The following IL6R variants were observed in gnomAD, a reference collection of about 807,000 sequenced individuals.
The protein encoded by IL6R is interleukin 6 receptor.
A neutral mutation model predicts 48.3 loss-of-function variants in IL6R; 38 were observed. The ratio of observed to expected loss-of-function variants is 0.79; its 90% CI spans 0.61 to 1.03. The LOEUF is 1.03. IL6R is among the 50% of genes least tolerant of loss of function. The probability of loss-of-function intolerance (pLI) is 0.00; values close to 1 mark genes in which losing one functional copy is unlikely to be tolerated. For missense variants in IL6R, 534 were observed against 618.3 expected (o/e 0.86, Z 1.45); for synonymous variants, 264 against 256.2 (o/e 1.03, Z -0.29).
chr1:154,437,718 T>A (rs960434996), intron 6 of IL6R, among the ~76,000 whole-genome samples: 14 of 151,532 alleles, frequency 9.2e-5, no homozygotes, highest in Non-Finnish European at 1.8e-4. Context: ...GACTAAACTT[T>A]AAATTTTTTT....
At chr1:154,449,198 T>TA (rs75050204) in intron 7 of IL6R, among the ~76,000 whole-genome samples, 149,938 of 149,938 alleles carry the variant, frequency 1, 74,969 homozygotes, top group Non-Finnish European at 1. Context: ...CCCGGCCTTG[T>TA]AGGGCTTCTT....
At position 154,436,034 on chromosome 1, in the gene IL6R, G is replaced by A; in HGVS notation, c.873G>A (p.Gln291=). 1 of 1,613,168 alleles carries A rather than the reference G, an allele frequency of 6.2e-7. No individual in the cohort carries two copies. Among genetic ancestry groups the A allele is most frequent in the African/African-American group, 1.3e-5 (1 of 75,074 alleles). The change falls in exon 6 of 10, where the codon CAG becomes CAA. Residue 291 remains glutamine (Q), a synonymous_variant. Coordinates refer to ENST00000368485, the MANE Select transcript of IL6R (RefSeq NM_000565.4). ...DAWSGLRHVV[Q]LRAQEEFGQG... ...GGAGCGGCCTGAGGCACGTGGTGCAGCTTCGTGCCCAGGAGGAGTTCGGGC... is the reference window on the plus strand; with the variant it reads ...GGAGCGGCCTGAGGCACGTGGTGCAACTTCGTGCCCAGGAGGAGTTCGGGC...
chr1:154,454,189 G>T, intron 8 of IL6R: 1 of 441,988 alleles, frequency 2.3e-6, no homozygotes, highest in East Asian at 4.3e-5. Context: ...GGAGTCTGTG[G>T]CTAGCCACAG....
rs948502031 is a variant in IL6R at position 154,452,097 on chromosome 1, G to A, written c.1066+2117G>A. 3.9e-5 allele frequency among the ~76,000 whole-genome samples: 6 copies of A among 151,988 alleles called. No individual in the cohort carries two copies. The East Asian group carries it at 7.7e-4, about 20-fold the overall frequency. On this transcript the variant is annotated intron_variant, in intron 8 of 9. Coordinates refer to ENST00000368485, the MANE Select transcript of IL6R (RefSeq NM_000565.4). ...GCCAACACCCAGTCCAGCCCCTGCC[G>A]CCTCTCATCCAGCAGGGCTTCCTGG...
chr1:154,435,876 C>A (rs1012050561), intron 5 of IL6R, 93 bp from the exon 6 acceptor site: 6 of 1,144,260 alleles, frequency 5.2e-6, no homozygotes, highest in South Asian at 3.4e-5. Flanking sequence ...CCAGCTGAAG[C>A]ACAGGGCTGG....
rs1691665135 is a variant in IL6R, at chr1:154,468,819, C to T, written c.*3439C>T. ...TTTGGTGCTGAGCTCTATTATCTCA[C>T]AGCACGTCCAGAAGGCTAACCCAGG... On this transcript the variant is annotated 3_prime_UTR_variant, in exon 10 of 10. Coordinates refer to ENST00000368485, the MANE Select transcript of IL6R (RefSeq NM_000565.4). 1 of 152,308 alleles carries T rather than the reference C, an allele frequency of 6.6e-6. No homozygotes were observed. The highest frequency in any genetic ancestry group is 1.5e-5 in the Non-Finnish European group (1 of 68,096). The allele number at this position is 152,308 out of a possible 1,614,324, so 9.4% of individuals were successfully genotyped here. A position where few individuals can be genotyped will look rare whatever the true frequency, so the allele number is the denominator to read the frequency against.
At chr1:154,412,634 C>T (rs1570919336) in intron 1 of IL6R, among the ~76,000 whole-genome samples, 1 of 152,254 alleles carries the variant, frequency 6.6e-6, no homozygotes, top group East Asian at 1.9e-4. Context: ...GAGAGAGGCA[C>T]TAATGCAGTG....
intron 3 of IL6R, among the ~76,000 whole-genome samples, chr1:154,433,460 G>C (rs986464769): frequency 6.6e-6 from 1 of 152,188 alleles, no homozygotes; most frequent in Non-Finnish European, 1.5e-5. Context: ...TGGCATTTCT[G>C]CTGGGTGTCT....
In IL6R at chr1:154,434,952, T is replaced by C. The variant is rs1309796175; in HGVS notation, c.641-38T>C. The C allele has an allele frequency of 1.9e-6, 3 of 1,608,858 alleles. No individual in the cohort carries two copies. The African/African-American group carries it at 4.0e-5, about 22-fold the overall frequency. On this transcript the variant is annotated intron_variant, in intron 4 of 9. Transcript: ENST00000368485. ...CTACATGGGCTTCTCTACACTATAT[T>C]TGGTGCTGCAAAGGAGTCATGCTCA...
chr1:154,427,336 G>A (rs945125362), intron 1 of IL6R, among the ~76,000 whole-genome samples: 1 of 152,176 alleles, frequency 6.6e-6, no homozygotes, highest in African/African-American at 2.4e-5. Flanking sequence ...TTCCTTGCCA[G>A]TGCCTGGCTG....
intron 9 of IL6R, among the ~76,000 whole-genome samples, chr1:154,462,339 C>G (rs1691306408): frequency 6.7e-6 from 1 of 150,010 alleles, no homozygotes; most frequent in Non-Finnish European, 1.5e-5. Flanking sequence ...CACAGGCATT[C>G]TTTCACATTA....
At chr1:154,407,486 CT>C (rs1012213426) in intron 1 of IL6R, among the ~76,000 whole-genome samples, 4 of 152,182 alleles carry the variant, frequency 2.6e-5, no homozygotes, top group African/African-American at 9.7e-5. Context: ...AGTGAAAGTC[CT>C]CCCAGCTCAG....
chr1:154,434,538 G>T lies in IL6R; in HGVS notation c.478G>T (p.Asp160Tyr), dbSNP rs1368570026. ...TAACAGTCAGAACAGTCCGGCCGAA[G>T]ACTTCCAGGAGCCGTGCCAGTATTC... ...VRKFQNSPAE[D>Y]FQEPCQYSQE... The change falls in exon 4 of 10, where the codon GAC (aspartate) becomes TAC (tyrosine). Residue 160 changes from aspartate to tyrosine, a missense_variant. Transcript: ENST00000368485. 6.2e-7 allele frequency: 1 copy of T among 1,613,794 alleles called. No individual in the cohort carries two copies. The highest frequency in any genetic ancestry group is 1.7e-4 in the Middle Eastern group (1 of 5,938).
intron 9 of IL6R, among the ~76,000 whole-genome samples, chr1:154,457,967 CTT>C (rs1307922193): frequency 0.24 from 22,035 of 90,848 alleles, 1,652 homozygotes; most frequent in South Asian, 0.29. Flanking sequence ...TTTTCTTTTT[CTT>C]TTTTTTTTTT....
At chr1:154,445,343 C>T (rs933095322) in intron 6 of IL6R, among the ~76,000 whole-genome samples, 1 of 152,158 alleles carries the variant, frequency 6.6e-6, no homozygotes, top group African/African-American at 2.4e-5. Flanking sequence ...ACCTGAGCCG[C>T]CAGAGGTTAC....
chr1:154,406,245 C>T (rs577966456), intron 1 of IL6R, among the ~76,000 whole-genome samples: 2 of 152,310 alleles, frequency 1.3e-5, no homozygotes, highest in Non-Finnish European at 2.9e-5. Context: ...ACTGACATCA[C>T]GGGCGCTGAG....
intron 8 of IL6R, among the ~76,000 whole-genome samples, chr1:154,450,423 CA>C (rs1252037754): frequency 6.6e-6 from 1 of 152,118 alleles, no homozygotes; most frequent in Non-Finnish European, 1.5e-5. Flanking sequence ...CGTGCCTGGC[CA>C]GAAATGTTCT....
At chr1:154,451,627 A>G (rs933143876) in intron 8 of IL6R, among the ~76,000 whole-genome samples, 6 of 151,774 alleles carry the variant, frequency 4.0e-5, no homozygotes, top group Non-Finnish European at 7.4e-5. Flanking sequence ...TTTGAGACGG[A>G]GTCTCGTCAA....
chr1:154,448,464 T>C (rs1446696869), intron 7 of IL6R, among the ~76,000 whole-genome samples: 1 of 152,198 alleles, frequency 6.6e-6, no homozygotes, highest in Admixed American at 6.5e-5. Flanking sequence ...TAGCTTGAGA[T>C]TGGATTCTGT....
Sources: allele counts gnomAD v4.1 joint callset (sites outside exome capture counted in the v4.1 genomes callset), GRCh38; gene constraint gnomAD v4.1.1; transcripts MANE v1.5; gene names NCBI Gene and HGNC (gene_info 2026-07-23, HGNC 2026-07-21).